UBE2W: variants seen among roughly 807,000 people sequenced by gnomAD.
UBE2W encodes the protein ubiquitin-conjugating enzyme E2 W.
A neutral mutation model predicts 27.2 loss-of-function variants in UBE2W; 18 were observed. That is an observed-to-expected ratio of 0.66 (90% confidence interval 0.46 to 0.98). The LOEUF is 0.98. Ranked by LOEUF, UBE2W falls within the 50% of genes least tolerant of loss-of-function variation. UBE2W has a pLI of 0.00. For synonymous variants in UBE2W, 53 were observed against 57.2 expected, an observed-to-expected ratio of 0.93 and a Z score of 0.33; for missense variants, 90 against 180.2, an observed-to-expected ratio of 0.50 and a Z score of 2.87.
rs959299929 is a variant in UBE2W, at chr8:73,786,429, C to A, written c.*7673G>T. 5.1e-6 allele frequency: 5 copies of A among 984,848 alleles called. No homozygotes were observed. The highest frequency in any genetic ancestry group is 6.0e-6 in the Non-Finnish European group (5 of 829,448). 61.0% of individuals were successfully genotyped at this position (984,848 alleles called of 1,614,324 possible). ...ACACTTATTAAATGCCTATGTGCTA[C>A]AGGTACTGTATACTAGGTACTGTGT... On this transcript the variant is annotated 3_prime_UTR_variant, in exon 6 of 6. Transcript: ENST00000602593.
chr8:73,836,904 T>G (rs1810330779), intron 1 of UBE2W, among the ~76,000 whole-genome samples: 1 of 152,162 alleles, frequency 6.6e-6, no homozygotes, highest in South Asian at 2.1e-4. Flanking sequence ...TGCAGAATGT[T>G]AAGTACTGTA....
At position 73,850,746 on chromosome 8, in the gene UBE2W, A is replaced by C. The variant is rs1251993339; in HGVS notation, c.16-20274T>G. 5.9e-5 allele frequency among the ~76,000 whole-genome samples: 9 copies of C among 151,272 alleles called. No individual in the cohort carries two copies. The East Asian group carries it at 1.2e-3, about 19-fold the overall frequency. Reference sequence around the variant, plus strand: ...ACATTAAAAAAAAAAAAAAAAAAAAAAAAACAGGACACAGAAGGGGCTTCA... The same window carrying C: ...ACATTAAAAAAAAAAAAAAAAAAAACAAAACAGGACACAGAAGGGGCTTCA... On this transcript the variant is annotated intron_variant, in intron 1 of 5. Transcript: ENST00000602593.
chr8:73,785,558 C>A (rs1807924745), downstream of UBE2W, among the ~76,000 whole-genome samples: 1 of 152,134 alleles, frequency 6.6e-6, no homozygotes, highest in African/African-American at 2.4e-5. Context: ...AGATAGCGAA[C>A]ACAGTACCTA....
In UBE2W at chr8:73,805,454, C is replaced by CAAAAAAAAAAAAAAAAAAAAAA. The variant is rs1162712227; in HGVS notation, c.442+196_442+197insTTTTTTTTTTTTTTTTTTTTTT. The stretch of plus-strand genomic sequence containing the variant: ...GGGCAACAAGAGCAAAACTCCATCT[C>CAAAAAAAAAAAAAAAAAAAAAA]AAAAAAAAAAAAAAAAACAAAAAAA... On this transcript the variant is annotated intron_variant, in intron 5 of 5. Coordinates refer to ENST00000602593, the MANE Select transcript of UBE2W (RefSeq NM_018299.6). 1.9e-3 allele frequency among the ~76,000 whole-genome samples: 28 copies of CAAAAAAAAAAAAAAAAAAAAAA among 14,580 alleles called. 3 individuals carry two copies. Among genetic ancestry groups the CAAAAAAAAAAAAAAAAAAAAAA allele is most frequent in the African/African-American group, 2.9e-3 (14 of 4,770 alleles). The allele number at this position is 14,580 out of a possible 152,430, so 9.6% of individuals were successfully genotyped here.
chr8:73,790,671 C>A lies in UBE2W; in HGVS notation c.*3431G>T. ...TGTAACACACAGTACCTCCTCTTCT[C>A]TTCTATTTTTAGGAAGAAGTTATAA... On this transcript the variant is annotated 3_prime_UTR_variant, in exon 6 of 6. Coordinates refer to ENST00000602593, the MANE Select transcript of UBE2W (RefSeq NM_018299.6). 4 of 982,462 alleles carry A rather than the reference C, an allele frequency of 4.1e-6. No individual in the cohort carries two copies. The highest frequency in any genetic ancestry group is 4.8e-6 in the Non-Finnish European group (4 of 827,282). 60.9% of individuals were successfully genotyped at this position (982,462 alleles called of 1,614,324 possible). A position where few individuals can be genotyped will look rare whatever the true frequency, so the allele number is the denominator to read the frequency against.
intron 3 of UBE2W, among the ~76,000 whole-genome samples, chr8:73,816,176 C>T (rs796934375): frequency 2.0e-5 from 3 of 152,264 alleles, no homozygotes; most frequent in Middle Eastern, 3.4e-3. Flanking sequence ...TTGGACACAA[C>T]GAAACTAAAC....
At chr8:73,807,279 A>G (rs2130868013) in intron 4 of UBE2W, among the ~76,000 whole-genome samples, 1 of 152,326 alleles carries the variant, frequency 6.6e-6, no homozygotes, top group South Asian at 2.1e-4. Flanking sequence ...TGAAAATGAG[A>G]GATTAAGGGA....
At chr8:73,829,261 AAAG>A (rs1484748302) in intron 2 of UBE2W, among the ~76,000 whole-genome samples, 1 of 152,190 alleles carries the variant, frequency 6.6e-6, no homozygotes, top group Non-Finnish European at 1.5e-5. Context: ...ATAAACGATG[AAAG>A]AAGAAGTAAT....
intron 1 of UBE2W, among the ~76,000 whole-genome samples, chr8:73,866,290 A>AAAAAATATATATATATAT (rs1248216873): frequency 2.3e-5 from 1 of 43,092 alleles, no homozygotes; most frequent in African/African-American, 9.9e-5. Flanking sequence ...AAAAAAAAAA[A>AAAAAATATATATATATAT]ATATATATAT....
At chr8:73,826,799 T>C (rs1809853947) in intron 2 of UBE2W, among the ~76,000 whole-genome samples, 1 of 152,230 alleles carries the variant, frequency 6.6e-6, no homozygotes, top group African/African-American at 2.4e-5. Flanking sequence ...AAACAGAAGA[T>C]AATCACCTCA....
In UBE2W at chr8:73,786,596, C is replaced by T. The variant is rs537939382; in HGVS notation, c.*7506G>A. 6.1e-6 allele frequency: 6 copies of T among 985,368 alleles called. No homozygotes were observed. The highest frequency in any genetic ancestry group is 1.1e-4 in the East Asian group (1 of 8,810). The allele number at this position is 985,368 out of a possible 1,614,324, so 61.0% of individuals were successfully genotyped here. ...TTGAACTAGACCTTTCAGGTAGAAA[C>T]GCAGATCATGAACATTCTAGGAGGG... is the stretch of plus-strand genomic sequence containing the variant. On this transcript the variant is annotated 3_prime_UTR_variant, in exon 6 of 6. Transcript: ENST00000602593.
Position 73,789,307 on chromosome 8 carries a change from TAAAAAAAAAAAAAAAA to T in UBE2W, c.*4779_*4794del, listed in dbSNP as rs10652083. 4.5e-4 allele frequency: 18 copies of T among 40,060 alleles called. No individual in the cohort carries two copies. Among genetic ancestry groups the T allele is most frequent in the East Asian group, 3.5e-3 (3 of 866 alleles). The allele number at this position is 40,060 out of a possible 1,614,324, so 2.5% of individuals were successfully genotyped here. A position where few individuals can be genotyped will look rare whatever the true frequency, so the allele number is the denominator to read the frequency against. On this transcript the variant is annotated 3_prime_UTR_variant, in exon 6 of 6. Transcript: ENST00000602593. ...GCAACATGGTGAGACCTCGTGTCTTTAAAAAAAAAAAAAAAAAAAAAAAAAAAAAAAAAAATTCTAT... is the reference window on the plus strand; with the variant it reads ...GCAACATGGTGAGACCTCGTGTCTTTAAAAAAAAAAAAAAAAAAATTCTAT...
chr8:73,835,832 A>T (rs1282136986), intron 1 of UBE2W, among the ~76,000 whole-genome samples: 1 of 152,184 alleles, frequency 6.6e-6, no homozygotes, highest in African/African-American at 2.4e-5. Flanking sequence ...TCAAGCTATC[A>T]TGTTGAGAAC....
intron 3 of UBE2W, among the ~76,000 whole-genome samples, chr8:73,816,958 C>T (rs1809413069): frequency 2.0e-5 from 3 of 152,060 alleles, no homozygotes; most frequent in Non-Finnish European, 2.9e-5. Flanking sequence ...CGTTTGAACC[C>T]GGGAGGCGGA....
chr8:73,786,243 A>C lies in UBE2W; in HGVS notation c.*7859T>G. On this transcript the variant is annotated 3_prime_UTR_variant, in exon 6 of 6. Transcript: ENST00000602593. ...ATGAAGAATGATTAATGATTTATTT[A>C]AAAGTAGTTTTCTCAAACTCTCTGG... The C allele has an allele frequency of 1.0e-6, 1 of 985,460 alleles. No homozygotes were observed. The highest frequency in any genetic ancestry group is 1.2e-6 in the Non-Finnish European group (1 of 829,922). 61.0% of individuals were successfully genotyped at this position (985,460 alleles called of 1,614,324 possible). A position where few individuals can be genotyped will look rare whatever the true frequency, so the allele number is the denominator to read the frequency against.
chr8:73,835,553 A>C (rs1304052591), intron 1 of UBE2W, among the ~76,000 whole-genome samples: 4 of 152,052 alleles, frequency 2.6e-5, no homozygotes, highest in Non-Finnish European at 5.9e-5. Context: ...GACCAGCCTG[A>C]CTAATATGGT....
Position 73,787,379 on chromosome 8 carries a change from G to C in UBE2W, c.*6723C>G. Reference sequence around the variant, plus strand: ...TTATCCAGGGTAGCTTAAACTAATGGAGAAAAGTCAAATCCTACTATGGAA... The same window carrying C: ...TTATCCAGGGTAGCTTAAACTAATGCAGAAAAGTCAAATCCTACTATGGAA... On this transcript the variant is annotated 3_prime_UTR_variant, in exon 6 of 6. Coordinates refer to ENST00000602593, the MANE Select transcript of UBE2W (RefSeq NM_018299.6). 3 of 985,368 alleles carry C rather than the reference G, an allele frequency of 3.0e-6. No individual in the cohort carries two copies. Among genetic ancestry groups the C allele is most frequent in the Non-Finnish European group, 2.4e-6 (2 of 829,896 alleles). 61.0% of individuals were successfully genotyped at this position (985,368 alleles called of 1,614,324 possible).
intron 1 of UBE2W, among the ~76,000 whole-genome samples, chr8:73,834,720 G>A (rs1288024992): frequency 6.6e-6 from 1 of 152,018 alleles, no homozygotes; most frequent in Admixed American, 6.6e-5. Flanking sequence ...ACTAGCCTGG[G>A]CAACATGGCG....
chr8:73,838,431 G>A (rs1810398563), intron 1 of UBE2W, among the ~76,000 whole-genome samples: 1 of 152,076 alleles, frequency 6.6e-6, no homozygotes, highest in Admixed American at 6.6e-5. Flanking sequence ...CCTGCGATAT[G>A]CGACCCTAAA....
Sources: allele counts gnomAD v4.1 joint callset (sites outside exome capture counted in the v4.1 genomes callset), GRCh38; gene constraint gnomAD v4.1.1; transcripts MANE v1.5; gene names NCBI Gene and HGNC (gene_info 2026-07-23, HGNC 2026-07-21).